SLC25A26: variants seen among roughly 807,000 people sequenced by gnomAD.
SLC25A26 encodes the protein mitochondrial S-adenosylmethionine carrier protein.
Under a neutral mutation model 37.8 loss-of-function variants are expected in SLC25A26, and 36 were observed. That is an observed-to-expected ratio of 0.95 (90% confidence interval 0.73 to 1.26). The LOEUF is 1.26. Among genes scored for constraint, SLC25A26 ranks in the 50% most tolerant of loss-of-function variants. SLC25A26 has a pLI of 0.00. For missense variants in SLC25A26, 390 were observed against 331.1 expected (o/e 1.18, Z -1.38); for synonymous variants, 129 against 122.5 (o/e 1.05, Z -0.35).
At chr3:66,183,433 A>G (rs1432498234) in intron 1 of SLC25A26, among the ~76,000 whole-genome samples, 1 of 151,808 alleles carries the variant, frequency 6.6e-6, no homozygotes, top group Non-Finnish European at 1.5e-5. Context: ...TCTGATCCTA[A>G]TCTTGAACCT....
intron 5 of SLC25A26, among the ~76,000 whole-genome samples, chr3:66,311,907 T>C (rs1474266063): frequency 6.6e-6 from 1 of 152,124 alleles, no homozygotes; most frequent in African/African-American, 2.4e-5. Flanking sequence ...GCTGGAGCTC[T>C]TTTTTATGAG....
At chr3:66,230,695 C>G (rs1383444810) in intron 1 of SLC25A26, among the ~76,000 whole-genome samples, 2 of 148,446 alleles carry the variant, frequency 1.3e-5, no homozygotes, top group Non-Finnish European at 3.0e-5. Flanking sequence ...ATCCCAGCTA[C>G]TTGGTAGGCT....
At chr3:66,290,049 T>C (rs1205269978) in intron 5 of SLC25A26, among the ~76,000 whole-genome samples, 1 of 152,174 alleles carries the variant, frequency 6.6e-6, no homozygotes, top group Non-Finnish European at 1.5e-5. Flanking sequence ...TTGTAAGTTG[T>C]AGTCCTAGGT....
chr3:66,209,898 T>TTATATATATATATATATATATATA (rs1159734636), intron 1 of SLC25A26, among the ~76,000 whole-genome samples: 1 of 38,608 alleles, frequency 2.6e-5, no homozygotes. Context: ...CTCTCTCTAT[T>TTATATATATATATATATATATATA]TATATATATA....
At chr3:66,305,328 C>G (rs915661093) in intron 5 of SLC25A26, among the ~76,000 whole-genome samples, 1 of 152,076 alleles carries the variant, frequency 6.6e-6, no homozygotes, top group Non-Finnish European at 1.5e-5. Context: ...AGGTGTTTCT[C>G]TAAGAGTAAC....
At chr3:66,185,421 A>G (rs2070806839) in intron 1 of SLC25A26, among the ~76,000 whole-genome samples, 2 of 152,200 alleles carry the variant, frequency 1.3e-5, no homozygotes, top group African/African-American at 4.8e-5. Flanking sequence ...TGAGCGTTCA[A>G]GTATCTCTTT....
At chr3:66,350,921 C>G (rs934003110) in intron 6 of SLC25A26, among the ~76,000 whole-genome samples, 1 of 152,082 alleles carries the variant, frequency 6.6e-6, no homozygotes, top group African/African-American at 2.4e-5. Flanking sequence ...TAATGAAGGC[C>G]TTGAAGAATT....
intron 1 of SLC25A26, among the ~76,000 whole-genome samples, chr3:66,181,676 A>G (rs2070708315): frequency 6.6e-6 from 1 of 152,148 alleles, no homozygotes; most frequent in Non-Finnish European, 1.5e-5. Context: ...TAAGAAAAGT[A>G]GAGCCAGGCT....
intron 5 of SLC25A26, among the ~76,000 whole-genome samples, chr3:66,335,364 C>A (rs2076070742): frequency 6.6e-6 from 1 of 152,134 alleles, no homozygotes; most frequent in East Asian, 1.9e-4. Context: ...TTTATCTGGC[C>A]TGTTGGATTA....
chr3:66,156,937 C>T (rs983612917), intron 1 of SLC25A26, among the ~76,000 whole-genome samples: 1 of 152,122 alleles, frequency 6.6e-6, no homozygotes, highest in African/African-American at 2.4e-5. Context: ...TCACCATCCT[C>T]AGAAACAACA....
chr3:66,194,588 G>A (rs2071008734), intron 1 of SLC25A26, among the ~76,000 whole-genome samples: 1 of 152,158 alleles, frequency 6.6e-6, no homozygotes, highest in African/African-American at 2.4e-5. Flanking sequence ...CCTCTCTAGG[G>A]TCCTTATTCT....
chr3:66,251,271 A>G (rs1276480225), intron 3 of SLC25A26, among the ~76,000 whole-genome samples: 1 of 152,146 alleles, frequency 6.6e-6, no homozygotes, highest in Non-Finnish European at 1.5e-5. Flanking sequence ...TAAGGAGACT[A>G]TTAAAGGAAT....
intron 1 of SLC25A26, among the ~76,000 whole-genome samples, chr3:66,206,852 T>A (rs944666893): frequency 1.2e-3 from 186 of 151,680 alleles, no homozygotes; most frequent in African/African-American, 4.2e-3. Context: ...TAGCTGGGAC[T>A]GCAGGCATGC....
intron 5 of SLC25A26, among the ~76,000 whole-genome samples, chr3:66,264,815 G>A (rs928128089): frequency 2.0e-5 from 3 of 152,184 alleles, no homozygotes; most frequent in African/African-American, 7.2e-5. Context: ...AACAAAATAT[G>A]AGCTGGGAAG....
intron 1 of SLC25A26, among the ~76,000 whole-genome samples, chr3:66,215,596 G>T (rs934397274): frequency 1.3e-5 from 2 of 152,114 alleles, no homozygotes; most frequent in Non-Finnish European, 2.9e-5. Flanking sequence ...AGTCCCAAAA[G>T]CATTTATTGA....
chr3:66,231,576 A>G (rs192081908), intron 1 of SLC25A26, among the ~76,000 whole-genome samples: 1 of 152,264 alleles, frequency 6.6e-6, no homozygotes, highest in East Asian at 1.9e-4. Flanking sequence ...CTCATCCTGA[A>G]TCTCTTTCCA....
At chr3:66,179,293 A>G (rs1176098446) in intron 1 of SLC25A26, among the ~76,000 whole-genome samples, 2 of 152,204 alleles carry the variant, frequency 1.3e-5, no homozygotes, top group Admixed American at 6.5e-5. Flanking sequence ...TGATATTGAT[A>G]TGTTTCTCCA....
chr3:66,155,129 A>T (rs2070263671), intron 1 of SLC25A26, among the ~76,000 whole-genome samples: 1 of 152,224 alleles, frequency 6.6e-6, no homozygotes, highest in African/African-American at 2.4e-5. Flanking sequence ...AGGGCAGGAC[A>T]GTGTCTAGTT....
At chr3:66,234,467 C>T (rs373396630) in intron 1 of SLC25A26, among the ~76,000 whole-genome samples, 28 of 152,230 alleles carry the variant, frequency 1.8e-4, no homozygotes, top group African/African-American at 5.8e-4. Flanking sequence ...TTTTGGGTGA[C>T]GTCTTCTTAG....
Sources: gnomAD v4.1 joint callset for allele counts (sites outside exome capture counted in the v4.1 genomes callset) on GRCh38, gnomAD v4.1.1 for gene constraint, MANE v1.5 for transcripts, NCBI Gene and HGNC (gene_info 2026-07-23, HGNC 2026-07-21) for gene names.